The following SLC35E4 variants were observed in gnomAD, a reference collection of about 807,000 sequenced individuals.
The protein encoded by SLC35E4 is solute carrier family 35, member E4.
SLC35E4 carries 15 observed loss-of-function variants against 19.3 expected under a neutral mutation model. The observed-to-expected ratio is 0.78, with a 90% CI of 0.52 to 1.20. The LOEUF (loss-of-function observed/expected upper bound fraction) is 1.20. SLC35E4 is among the 50% of genes most tolerant of loss of function. The pLI, the probability that SLC35E4 is intolerant of heterozygous loss-of-function variation, is 0.00. For synonymous variants in SLC35E4, 219 were observed against 219.9 expected, an observed-to-expected ratio of 1.00 and a Z score of 0.04; for missense variants, 406 against 472.3, an observed-to-expected ratio of 0.86 and a Z score of 1.30.
downstream of SLC35E4, chr22:30,667,754 G>GTCAGC (rs1318111542): frequency 6.5e-6 from 1 of 152,932 alleles, no homozygotes; most frequent in African/African-American, 2.4e-5. Context: ...GCGAAGCAGG[G>GTCAGC]TCAGCTCAGC....
chr22:30,640,012 C>T (rs2088013580), intron 1 of SLC35E4, among the ~76,000 whole-genome samples: 1 of 152,148 alleles, frequency 6.6e-6, no homozygotes, highest in Admixed American at 6.6e-5. Context: ...GCAGTAAAGA[C>T]AGGCGTAAGA....
downstream of SLC35E4, chr22:30,663,840 T>C (rs2088560898): frequency 3.1e-6 from 5 of 1,614,210 alleles, no homozygotes; most frequent in Non-Finnish European, 4.2e-6. Context: ...GTTCACTACC[T>C]CCACTGAGAC....
chr22:30,636,807 G>T lies in SLC35E4; in HGVS notation c.357G>T (p.Thr119=), dbSNP rs886145176. The T allele has an allele frequency of 1.9e-6, 3 of 1,612,772 alleles. No homozygotes were observed. The highest frequency in any genetic ancestry group is 2.5e-6 in the Non-Finnish European group (3 of 1,179,594). The change falls in exon 1 of 2, where the codon ACG becomes ACT. Residue 119 remains threonine (T), a synonymous_variant. Transcript: ENST00000343605. ...TACTGCTCAGTCTCACCTTTGGCACGTCCATGGCCTGCGGCAACGTGGGCC... is the reference window on the plus strand; with the variant it reads ...TACTGCTCAGTCTCACCTTTGGCACTTCCATGGCCTGCGGCAACGTGGGCC... ...RVLLLSLTFG[T]SMACGNVGLR...
At chr22:30,657,631 G>A (rs1274741624) in intron 2 of SLC35E4, among the ~76,000 whole-genome samples, 6 of 151,812 alleles carry the variant, frequency 4.0e-5, no homozygotes, top group East Asian at 1.9e-4. Flanking sequence ...TAGGCCAGGC[G>A]CGGTGGCTCA....
intron 2 of SLC35E4, among the ~76,000 whole-genome samples, chr22:30,657,820 CGTGAACTCGGGAGGCGGAGCTTGCA>C (rs1245987722): frequency 6.6e-6 from 1 of 151,334 alleles, no homozygotes; most frequent in Non-Finnish European, 1.5e-5. Context: ...AGGAGAATGA[CGTGAACTCGGGAGGCGGAGCTTGCA>C]GTGAGCCAAG....
downstream of SLC35E4, chr22:30,665,425 C>G: frequency 6.8e-6 from 3 of 438,318 alleles, no homozygotes; most frequent in Non-Finnish European, 1.4e-5. Flanking sequence ...TAGGGACAAC[C>G]TGTCCTCTCC....
chr22:30,637,107 C>T (rs780467223), intron 1 of SLC35E4, 38 bp downstream of exon 1: 10 of 1,533,072 alleles, frequency 6.5e-6, no homozygotes, highest in East Asian at 4.5e-5. Flanking sequence ...GGTGGGGGTC[C>T]GGGTGGGTGC....
intron 1 of SLC35E4, among the ~76,000 whole-genome samples, chr22:30,639,225 A>G (rs186184759): frequency 5.5e-4 from 83 of 152,254 alleles, no homozygotes; most frequent in Admixed American, 4.8e-3. Context: ...ATGCCCCCTG[A>G]GCCATAAAAC....
In SLC35E4 at chr22:30,645,398, C is replaced by A. The variant is rs569124494; in HGVS notation, c.620-1200C>A. ...TCACCTGAGGTCAGGAGTTCGAGAC[C>A]AGCCTGGCCAACATGGCGAAACCCC... is the stretch of plus-strand genomic sequence containing the variant. On this transcript the variant is annotated intron_variant, in intron 1 of 1. Coordinates refer to ENST00000343605, the MANE Select transcript of SLC35E4 (RefSeq NM_001001479.4). Among the ~76,000 whole-genome samples the A allele has an allele frequency of 4.0e-3, 616 of 152,216 alleles. 3 individuals are homozygous for A. The highest frequency in any genetic ancestry group is 0.014 in the African/African-American group (589 of 41,548).
At chr22:30,665,721 C>A (rs1016287781), downstream of SLC35E4, among the ~76,000 whole-genome samples, 3 of 152,184 alleles carry the variant, frequency 2.0e-5, no homozygotes, top group African/African-American at 7.2e-5. Context: ...TCTGTCTCCC[C>A]AAGAGACTGT....
downstream of SLC35E4, among the ~76,000 whole-genome samples, chr22:30,650,295 G>A (rs1053161417): frequency 1.3e-5 from 2 of 151,568 alleles, no homozygotes; most frequent in Admixed American, 6.6e-5. Flanking sequence ...TCATGCCATT[G>A]CACTGTAGCC....
chr22:30,637,011 C>A lies in SLC35E4; in HGVS notation c.561C>A (p.Thr187=), dbSNP rs1426490535. The A allele has an allele frequency of 3.1e-6, 5 of 1,600,292 alleles. No homozygotes were observed. The highest frequency in any genetic ancestry group is 1.3e-5 in the African/African-American group (1 of 74,630). ...CTGGAGAGTTCCGGACACCCCCTAC[C>A]GGCTGTGGCTTCCTGCTCGCAGCCA... The part of the protein sequence containing the change: ...SLAGEFRTPP[T]GCGFLLAATC... The change falls in exon 1 of 2, where the codon ACC becomes ACA. Residue 187 remains threonine, a synonymous_variant. Coordinates refer to ENST00000343605, the MANE Select transcript of SLC35E4 (RefSeq NM_001001479.4).
chr22:30,663,787 C>A, downstream of SLC35E4: 1 of 1,614,218 alleles, frequency 6.2e-7, no homozygotes, highest in Non-Finnish European at 8.5e-7. Context: ...TTAGGGGAGT[C>A]AGCCACAGGT....
Position 30,646,995 on chromosome 22 carries a change from GC to G in SLC35E4, c.1018del (p.Leu340CysfsTer49), listed in dbSNP as rs1239753959. On this transcript the variant is annotated frameshift_variant, in exon 2 of 2. Coordinates refer to ENST00000343605, the MANE Select transcript of SLC35E4 (RefSeq NM_001001479.4). LOFTEE classifies it high-confidence loss of function. ...FVASWAARRG[L>X]WRRDQPSKGL ...TGGCCTCCTGGGCTGCCCGTCGGGG[GC>G]TGTGGCGGAGGGACCAGCCCAGCAA... is the stretch of plus-strand genomic sequence containing the variant. 3.7e-6 allele frequency: 6 copies of G among 1,611,868 alleles called. No individual in the cohort carries two copies. Among genetic ancestry groups the G allele is most frequent in the Admixed American group, 1.7e-5 (1 of 59,936 alleles).
rs537401456 is a variant in SLC35E4 at position 30,638,470 on chromosome 22, C to A, written c.619+1401C>A. Among the ~76,000 whole-genome samples the A allele has an allele frequency of 1.2e-4, 17 of 141,866 alleles. 1 individual carries two copies. The highest frequency in any genetic ancestry group is 1.0e-3 in the Admixed American group (14 of 13,648). The allele number at this position is 141,866 out of a possible 152,430, so 93.1% of individuals were successfully genotyped here. On this transcript the variant is annotated intron_variant, in intron 1 of 1. Transcript: ENST00000343605. ...TGAGCCAAGATCGCCCCACTGCACT[C>A]CAGCCAAGGCGACAGAGTGAGACTC...
downstream of SLC35E4, chr22:30,663,742 CA>C: frequency 6.2e-7 from 1 of 1,614,176 alleles, no homozygotes; most frequent in Non-Finnish European, 8.5e-7. Flanking sequence ...TGGATATGGT[CA>C]GCAATAGGGT....
intron 2 of SLC35E4, chr22:30,654,266 G>A: frequency 2.3e-6 from 1 of 428,634 alleles, no homozygotes; most frequent in Non-Finnish European, 4.6e-6. Context: ...TTACAGGCGT[G>A]AGCCACCGCG....
At chr22:30,664,491 T>G (rs2088582058), downstream of SLC35E4, among the ~76,000 whole-genome samples, 1 of 152,184 alleles carries the variant, frequency 6.6e-6, no homozygotes, top group Non-Finnish European at 1.5e-5. Flanking sequence ...CTCTTCCAAA[T>G]TCTCTCCTTC....
At chr22:30,654,313 T>TGGG (rs761411115) in intron 2 of SLC35E4, 195 of 461,088 alleles carry the variant, frequency 4.2e-4, no homozygotes, top group Non-Finnish European at 7.0e-4. Flanking sequence ...ATTCTGGTAG[T>TGGG]GGATCTTGGC....
Sources: allele counts gnomAD v4.1 joint callset (sites outside exome capture counted in the v4.1 genomes callset), GRCh38; gene constraint gnomAD v4.1.1; transcripts MANE v1.5; gene names NCBI Gene and HGNC (gene_info 2026-07-23, HGNC 2026-07-21).